The following ASPSCR1 variants were observed in gnomAD, a reference collection of about 807,000 sequenced individuals.
The protein encoded by ASPSCR1 is ASPSCR1 tether for SLC2A4, UBX domain containing.
A neutral mutation model predicts 68.9 loss-of-function variants in ASPSCR1; 55 were observed. The observed-to-expected ratio is 0.80, with a 90% CI of 0.64 to 1.00. The LOEUF (loss-of-function observed/expected upper bound fraction) is 1.00, where lower values mean the gene tolerates loss of function less well. Among genes scored for constraint, ASPSCR1 ranks in the 50% least tolerant of loss-of-function variants. The pLI is 0.00. For synonymous variants in ASPSCR1, 352 were observed against 332.6 expected (o/e 1.06, Z -0.63); for missense variants, 765 against 762.2 (o/e 1.00, Z -0.04).
intron 3 of ASPSCR1, among the ~76,000 whole-genome samples, chr17:81,984,003 C>T (rs770512994): frequency 7.2e-5 from 11 of 152,000 alleles, no homozygotes; most frequent in South Asian, 4.2e-4. Context: ...TACAGGTGCC[C>T]GCCACCACAC....
intron 1 of ASPSCR1, chr17:81,978,853 T>C (rs1054263370): frequency 1.5e-5 from 6 of 390,658 alleles, no homozygotes; most frequent in African/African-American, 1.0e-4. Flanking sequence ...CTAGGCAAGT[T>C]TAAGGCAGGT....
chr17:82,007,493 C>A (rs1258452802), intron 7 of ASPSCR1: 1 of 152,238 alleles, frequency 6.6e-6, no homozygotes, highest in Admixed American at 6.5e-5. Flanking sequence ...GTCCAGTATG[C>A]GGACGTGGCA....
Position 81,994,840 on chromosome 17 carries a change from G to A in ASPSCR1, c.394G>A (p.Gly132Ser), listed in dbSNP as rs777847277. The change falls in exon 5 of 16, where the codon GGC becomes AGC. Residue 132 changes from glycine to serine, a missense_variant. Transcript: ENST00000306739. ...TCCCAGGGAGTGCCTGCAGCACCCC[G>A]GCGGGGCCACCCCAGTCTGCGTGTA... ...PQIRECLQHP[G>S]GATPVCVYTR... 2.7e-5 allele frequency: 44 copies of A among 1,613,320 alleles called. No homozygotes were observed. Among genetic ancestry groups the A allele is most frequent in the Non-Finnish European group, 3.6e-5 (42 of 1,179,938 alleles).
chr17:82,008,527 A>G (rs114569796), intron 7 of ASPSCR1: 6,312 of 155,034 alleles, frequency 0.041, 345 homozygotes, highest in African/African-American at 0.12. Flanking sequence ...GTTGATGCCA[A>G]TTAGGGGTGA....
chr17:81,985,418 C>A, intron 3 of ASPSCR1, 89 bp from the exon 4 acceptor site: 1 of 1,396,830 alleles, frequency 7.2e-7, no homozygotes, highest in South Asian at 1.2e-5. Flanking sequence ...GGGCAGTCAC[C>A]CTCTCTGTGT....
intron 5 of ASPSCR1, 194 bp downstream of exon 5, chr17:81,995,072 G>A (rs902918548): frequency 1.8e-5 from 10 of 557,926 alleles, no homozygotes; most frequent in African/African-American, 9.8e-5. Flanking sequence ...CTCCCTCGGC[G>A]CCCTGTTTGT....
At chr17:82,011,670 C>A in intron 11 of ASPSCR1, 65 bp downstream of exon 11, 1 of 1,538,444 alleles carries the variant, frequency 6.5e-7, no homozygotes, top group Non-Finnish European at 8.9e-7. Context: ...TGTGGGCACA[C>A]CGCCCGTCCC....
chr17:81,977,996 C>T lies in ASPSCR1; in HGVS notation c.102+248C>T, dbSNP rs1002979462. 2.6e-5 allele frequency: 7 copies of T among 269,126 alleles called. No homozygotes were observed. Among genetic ancestry groups the T allele is most frequent in the Non-Finnish European group, 4.2e-5 (6 of 144,494 alleles). The allele number at this position is 269,126 out of a possible 1,614,324, so 16.7% of individuals were successfully genotyped here. A position where few individuals can be genotyped will look rare whatever the true frequency, so the allele number is the denominator to read the frequency against. ...TCCCAGGGGTGAGGTAGAACGGCGC[C>T]GCGTGTCACCCGCATCGAGTACTCG... On this transcript the variant is annotated intron_variant, in intron 1 of 15. Transcript: ENST00000306739. This position sits in a 1 kb window ranked among gnomAD's most constrained non-coding sequence, Gnocchi z 5.0.
Position 82,016,965 on chromosome 17 carries a change from C to T in ASPSCR1, c.1500C>T (p.Ser500=), listed in dbSNP as rs1344774673. The T allele has an allele frequency of 1.9e-6, 3 of 1,611,696 alleles. No individual in the cohort carries two copies. Among genetic ancestry groups the T allele is most frequent in the Non-Finnish European group, 2.5e-6 (3 of 1,179,286 alleles). The part of the protein sequence containing the change: ...VARYMSRAAG[S]PSPLPAPDPA... ...GGTACATGTCCAGGGCCGCCGGGTC[C>T]CCTTCCCCATTGCCAGCCCCTGACC... The change falls in exon 15 of 16, where the codon TCC becomes TCT. Residue 500 remains serine (S), a synonymous_variant. Coordinates refer to ENST00000306739, the MANE Select transcript of ASPSCR1 (RefSeq NM_024083.4).
In ASPSCR1 at chr17:81,996,574, T is replaced by C; in HGVS notation, c.661T>C (p.Ser221Pro). ...GAGCCGTCCGGAGGACGCGGACACC[T>C]CAGGGCCCTGCTGCGAGCACACTCA... ...DLSRPEDADT[S>P]GPCCEHTQEK... Residue 221 changes from serine to proline, a missense_variant, in exon 7 of 16, where the codon TCA (serine) becomes CCA (proline). Physicochemically the swap from Ser to Pro is moderately conservative, Grantham distance 74. Coordinates refer to ENST00000306739, the MANE Select transcript of ASPSCR1 (RefSeq NM_024083.4). 1 of 1,612,284 alleles carries C rather than the reference T, an allele frequency of 6.2e-7. No individual in the cohort carries two copies. The highest frequency in any genetic ancestry group is 2.2e-5 in the East Asian group (1 of 44,800).
intron 14 of ASPSCR1, 22 bp downstream of exon 14, chr17:82,016,891 G>A: frequency 1.9e-6 from 3 of 1,612,408 alleles, no homozygotes; most frequent in Non-Finnish European, 2.5e-6. Context: ...TGGGTCTGGG[G>A]GCACCTCCCG....
chr17:81,985,200 A>G (rs749955480), intron 3 of ASPSCR1, among the ~76,000 whole-genome samples: 3 of 142,732 alleles, frequency 2.1e-5, no homozygotes, highest in Non-Finnish European at 4.6e-5. Flanking sequence ...ACACATCCAC[A>G]CACATACCTG....
rs374792021 is a variant in ASPSCR1, at chr17:82,009,024, C to T, written c.934-13C>T. On this transcript the variant is annotated splice_polypyrimidine_tract_variant and intron_variant, in intron 7 of 15. Transcript: ENST00000306739. Reference sequence around the variant, plus strand: ...CCGTGACACCCGCCGTCAGCCGCGCCCTCTGCCTCCAGCCCGTGGACCGGG... The same window carrying T: ...CCGTGACACCCGCCGTCAGCCGCGCTCTCTGCCTCCAGCCCGTGGACCGGG... The T allele has an allele frequency of 8.8e-5, 134 of 1,515,950 alleles. No homozygotes were observed. The Middle Eastern group carries it at 1.1e-3, about 13-fold the overall frequency. 93.9% of individuals were successfully genotyped at this position (1,515,950 alleles called of 1,614,324 possible).
At chr17:81,992,549 AGAG>A (rs971873690) in intron 4 of ASPSCR1, among the ~76,000 whole-genome samples, 2 of 152,190 alleles carry the variant, frequency 1.3e-5, no homozygotes, top group African/African-American at 4.8e-5. Context: ...CCCCAGCCGT[AGAG>A]AAGTGGCCTC....
chr17:81,983,446 G>A lies in ASPSCR1; in HGVS notation c.159-108G>A, dbSNP rs113965270. ...GGAGCTGCCACAGGACGTGGATGGCGGGGCGTGGATGGCGGGGCGTGGATG... is the reference window on the plus strand; with the variant it reads ...GGAGCTGCCACAGGACGTGGATGGCAGGGCGTGGATGGCGGGGCGTGGATG... On this transcript the variant is annotated intron_variant, in intron 2 of 15. Transcript: ENST00000306739. The surrounding 1 kb of genome is among the most constrained non-coding windows in gnomAD (Gnocchi z 4.4). 2.7e-5 allele frequency: 24 copies of A among 874,554 alleles called. No homozygotes were observed. Among genetic ancestry groups the A allele is most frequent in the Admixed American group, 1.5e-4 (7 of 47,798 alleles). 54.2% of individuals were successfully genotyped at this position (874,554 alleles called of 1,614,324 possible). A position where few individuals can be genotyped will look rare whatever the true frequency, so the allele number is the denominator to read the frequency against.
At position 81,987,188 on chromosome 17, in the gene ASPSCR1, G is replaced by C. The variant is rs991519323; in HGVS notation, c.374+1581G>C. Among the ~76,000 whole-genome samples the C allele has an allele frequency of 2.0e-5, 3 of 149,552 alleles. No individual in the cohort carries two copies. Among genetic ancestry groups the C allele is most frequent in the African/African-American group, 7.5e-5 (3 of 39,774 alleles). On this transcript the variant is annotated intron_variant, in intron 4 of 15. Coordinates refer to ENST00000306739, the MANE Select transcript of ASPSCR1 (RefSeq NM_024083.4). The surrounding 1 kb of genome is among the most constrained non-coding windows in gnomAD (Gnocchi z 5.6). ...CGGGCAGGGGTGAGCGGGACCCGAG[G>C]CAGGAGATGACGGAGCCTGAGAGCA...
At chr17:82,016,678 G>A in intron 13 of ASPSCR1, 122 bp from the exon 14 acceptor site, 1 of 1,440,998 alleles carries the variant, frequency 6.9e-7, no homozygotes. Flanking sequence ...CCCGAGAGAG[G>A]ACTGGGACAG....
chr17:81,984,979 C>T (rs369447543), intron 3 of ASPSCR1, among the ~76,000 whole-genome samples: 1 of 129,542 alleles, frequency 7.7e-6, no homozygotes, highest in Non-Finnish European at 1.6e-5. Context: ...CACACACCCA[C>T]ACACCTGCGT....
intron 4 of ASPSCR1, among the ~76,000 whole-genome samples, chr17:81,992,210 C>T (rs577565785): frequency 5.3e-5 from 8 of 152,296 alleles, no homozygotes; most frequent in South Asian, 4.1e-4. Flanking sequence ...CTTGCCCCTG[C>T]GGACATTGGG....
Sources: gnomAD v4.1 joint callset for allele counts (sites outside exome capture counted in the v4.1 genomes callset) on GRCh38, gnomAD v4.1.1 for gene constraint, Gnocchi (gnomAD v3.1) non-coding constraint, MANE v1.5 for transcripts, NCBI Gene and HGNC (gene_info 2026-07-23, HGNC 2026-07-21) for gene names.